Variants in CTNNA3 observed in about 807,000 individuals in gnomAD.
CTNNA3 encodes catenin alpha 3, also known as catenin alpha-3.
A neutral mutation model predicts 95.7 loss-of-function variants in CTNNA3; 76 were observed. The ratio of observed to expected loss-of-function variants is 0.79; its 90% confidence interval spans 0.66 to 0.96. The LOEUF (loss-of-function observed/expected upper bound fraction) is 0.96. Ranked by LOEUF, CTNNA3 falls within the 40% of genes least tolerant of loss-of-function variation. The probability of loss-of-function intolerance (pLI) is 0.00; values close to 1 mark genes in which losing one functional copy is unlikely to be tolerated. For synonymous variants in CTNNA3, 431 were observed against 374.4 expected (o/e 1.15, Z -1.74); for missense variants, 1,191 against 1,089.8 (o/e 1.09, Z -1.31).
chr10:66,205,894 T>C (rs1362868095), intron 13 of CTNNA3, among the ~76,000 whole-genome samples: 1 of 151,986 alleles, frequency 6.6e-6, no homozygotes, highest in Non-Finnish European at 1.5e-5. Context: ...ATTCTTTTTA[T>C]AAATACAAAC....
intron 10 of CTNNA3, among the ~76,000 whole-genome samples, chr10:66,583,757 C>A (rs1168784555): frequency 6.6e-6 from 1 of 151,362 alleles, no homozygotes; most frequent in East Asian, 1.9e-4. Flanking sequence ...CTGGTTCCTT[C>A]AGATGTATTG....
intron 7 of CTNNA3, among the ~76,000 whole-genome samples, chr10:67,120,060 TG>T (rs1859383853): frequency 6.6e-6 from 1 of 151,862 alleles, no homozygotes; most frequent in East Asian, 1.9e-4. Context: ...CCTTAAACTA[TG>T]AAATAGCACA....
intron 11 of CTNNA3, among the ~76,000 whole-genome samples, chr10:66,380,600 CCTATCTAT>C (rs3073254): frequency 0.2 from 28,521 of 145,736 alleles, 3,055 homozygotes; most frequent in South Asian, 0.26. Context: ...AGAGTGAGGC[CCTATCTAT>C]CTATCTATCT....
intron 15 of CTNNA3, among the ~76,000 whole-genome samples, chr10:66,067,962 G>A (rs1564615405): frequency 1.3e-5 from 2 of 152,038 alleles, no homozygotes; most frequent in African/African-American, 2.4e-5. Flanking sequence ...CCTTTGGATA[G>A]GTTCCCTGAA....
intron 3 of CTNNA3, among the ~76,000 whole-genome samples, chr10:67,583,570 G>T (rs546102761): frequency 2.6e-5 from 4 of 152,172 alleles, no homozygotes; most frequent in South Asian, 4.2e-4. Context: ...TATCTTTGTG[G>T]TGTTCTCTGT....
chr10:67,715,207 T>A (rs1589579014), intron 1 of CTNNA3, among the ~76,000 whole-genome samples: 1 of 152,244 alleles, frequency 6.6e-6, no homozygotes, highest in African/African-American at 2.4e-5. Flanking sequence ...AGATGTTGAA[T>A]CTCAGACATT....
At chr10:66,050,171 A>T (rs549418112) in intron 15 of CTNNA3, among the ~76,000 whole-genome samples, 2 of 151,698 alleles carry the variant, frequency 1.3e-5, no homozygotes, top group Non-Finnish European at 2.9e-5. Context: ...TCTGAGAATA[A>T]TTCCCAAATT....
intron 10 of CTNNA3, among the ~76,000 whole-genome samples, chr10:66,620,834 A>AC (rs1264733606): frequency 6.6e-6 from 1 of 152,162 alleles, no homozygotes; most frequent in Non-Finnish European, 1.5e-5. Context: ...CACATGCCCT[A>AC]CTTTTTGTAG....
chr10:67,055,671 T>A (rs530885881), intron 7 of CTNNA3, among the ~76,000 whole-genome samples: 1 of 152,274 alleles, frequency 6.6e-6, no homozygotes, highest in Admixed American at 6.5e-5. Context: ...CCATGGGCTT[T>A]GTTCTTTGTA....
At chr10:66,800,615 T>C (rs989928622) in intron 7 of CTNNA3, among the ~76,000 whole-genome samples, 13 of 151,338 alleles carry the variant, frequency 8.6e-5, no homozygotes, top group African/African-American at 2.9e-4. Flanking sequence ...TTTGAAGGTA[T>C]TGAAATTTAA....
At chr10:67,671,314 A>G (rs1161979040) in intron 1 of CTNNA3, among the ~76,000 whole-genome samples, 1 of 152,132 alleles carries the variant, frequency 6.6e-6, no homozygotes, top group Admixed American at 6.6e-5. Flanking sequence ...AACTATAGAA[A>G]GAACTTGGGC....
chr10:67,729,854 C>T (rs1339278793), intron 1 of CTNNA3, among the ~76,000 whole-genome samples: 2 of 152,094 alleles, frequency 1.3e-5, no homozygotes, highest in Middle Eastern at 3.4e-3. Context: ...TATGGTTAAT[C>T]GTTATGTCCA....
rs7074285 is a variant in CTNNA3 at position 67,244,382 on chromosome 10, C to T, written c.580-24512G>A. ...GCAGATAAAGATGTCTCACACTTGACATGCTTTTCAGAAAGTTAAATTAGT... is the reference window on the plus strand; with the variant it reads ...GCAGATAAAGATGTCTCACACTTGATATGCTTTTCAGAAAGTTAAATTAGT... On this transcript the variant is annotated intron_variant, in intron 5 of 17. Coordinates refer to ENST00000433211, the MANE Select transcript of CTNNA3 (RefSeq NM_013266.4). 4.1e-3 allele frequency among the ~76,000 whole-genome samples: 630 copies of T among 152,338 alleles called. 5 individuals carry two copies. Among genetic ancestry groups the T allele is most frequent in the African/African-American group, 0.014 (595 of 41,588 alleles).
At chr10:66,604,489 G>C (rs900835752) in intron 10 of CTNNA3, among the ~76,000 whole-genome samples, 3 of 152,068 alleles carry the variant, frequency 2.0e-5, no homozygotes, top group Non-Finnish European at 4.4e-5. Flanking sequence ...GCTGACATAC[G>C]CGGATGAAGA....
chr10:67,571,706 G>A (rs2133290408), intron 3 of CTNNA3, among the ~76,000 whole-genome samples: 1 of 152,264 alleles, frequency 6.6e-6, no homozygotes, highest in South Asian at 2.1e-4. Flanking sequence ...CTACGAGGGG[G>A]TGAGGGAAGC....
Position 66,303,151 on chromosome 10 carries a change from A to G in CTNNA3, c.1733-22530T>C, listed in dbSNP as rs191038513. Reference sequence around the variant, plus strand: ...TATTTTAAAATAGGATAATAGCAACAAGGATAAACACTAACAACACTTCTC... The same window carrying G: ...TATTTTAAAATAGGATAATAGCAACGAGGATAAACACTAACAACACTTCTC... On this transcript the variant is annotated intron_variant, in intron 12 of 17. Coordinates refer to ENST00000433211, the MANE Select transcript of CTNNA3 (RefSeq NM_013266.4). Among the ~76,000 whole-genome samples, 26 of 152,318 alleles carry G rather than the reference A, an allele frequency of 1.7e-4. No homozygotes were observed. In the Middle Eastern group the frequency reaches 0.017, roughly 100 times the overall value.
At chr10:67,562,955 G>A (rs944942630) in intron 3 of CTNNA3, among the ~76,000 whole-genome samples, 1 of 152,030 alleles carries the variant, frequency 6.6e-6, no homozygotes, top group Admixed American at 6.6e-5. Flanking sequence ...TCTCTTCAAG[G>A]AGAACTACAA....
intron 1 of CTNNA3, among the ~76,000 whole-genome samples, chr10:67,745,043 A>G (rs1415806754): frequency 1.3e-5 from 2 of 152,010 alleles, no homozygotes; most frequent in Non-Finnish European, 1.5e-5. Context: ...AAATAGGAAC[A>G]CTTTTACACT....
At chr10:66,968,759 G>C (rs960239605) in intron 7 of CTNNA3, among the ~76,000 whole-genome samples, 2 of 152,234 alleles carry the variant, frequency 1.3e-5, no homozygotes, top group Admixed American at 6.5e-5. Context: ...GCTCACACCT[G>C]TAATCCCAGC....
Sources: allele counts gnomAD v4.1 joint callset (sites outside exome capture counted in the v4.1 genomes callset), GRCh38; gene constraint gnomAD v4.1.1; transcripts MANE v1.5; gene names NCBI Gene and HGNC (gene_info 2026-07-23, HGNC 2026-07-21).